Variants in LDLRAD1 observed in about 807,000 individuals in gnomAD.
LDLRAD1 encodes the protein low density lipoprotein receptor class A domain containing 1.
In LDLRAD1, 17 loss-of-function variants were observed where a neutral mutation model predicts 24.8. The observed-to-expected ratio is 0.69, with a 90% CI of 0.47 to 1.03. The LOEUF (loss-of-function observed/expected upper bound fraction) is 1.03. Among genes scored for constraint, LDLRAD1 ranks in the 50% least tolerant of loss-of-function variants. LDLRAD1 has a pLI of 0.00. For synonymous variants in LDLRAD1, 103 were observed against 108.2 expected (o/e 0.95, Z 0.30); for missense variants, 277 against 271.0 (o/e 1.02, Z -0.16).
At chr1:54,014,516 A>C (rs1656215474) in intron 2 of LDLRAD1, 152 bp from the exon 3 acceptor site, 1 of 761,728 alleles carries the variant, frequency 1.3e-6, no homozygotes, top group Non-Finnish European at 2.1e-6. Flanking sequence ...AGCAGCTCCC[A>C]AGCCCTCCTT....
At chr1:54,013,535 T>C (rs1035884718) in intron 3 of LDLRAD1, among the ~76,000 whole-genome samples, 2 of 151,120 alleles carry the variant, frequency 1.3e-5, no homozygotes, top group African/African-American at 4.9e-5. Flanking sequence ...TGGGCCCCAC[T>C]TGTCACTCCA....
chr1:54,010,529 G>C, intron 4 of LDLRAD1, 119 bp from the exon 5 acceptor site: 1 of 960,374 alleles, frequency 1.0e-6, no homozygotes, highest in Non-Finnish European at 1.6e-6. Context: ...TGCCCATCCA[G>C]CCCAGAAGGG....
At chr1:54,017,608 G>C (rs998473707) in intron 1 of LDLRAD1, among the ~76,000 whole-genome samples, 181 bp from the exon 2 acceptor site, 2 of 152,112 alleles carry the variant, frequency 1.3e-5, no homozygotes, top group Non-Finnish European at 2.9e-5. Context: ...CCACACCTTT[G>C]CCTGCACTGT....
chr1:54,015,634 TG>T (rs1656271431), intron 2 of LDLRAD1, among the ~76,000 whole-genome samples: 1 of 148,200 alleles, frequency 6.7e-6, no homozygotes, highest in Admixed American at 6.8e-5. Flanking sequence ...AGGCACGTGG[TG>T]GGGGCTTTTG....
chr1:54,011,960 C>T (rs990801231), intron 4 of LDLRAD1, among the ~76,000 whole-genome samples, 183 bp downstream of exon 4: 1 of 152,136 alleles, frequency 6.6e-6, no homozygotes, highest in African/African-American at 2.4e-5. Flanking sequence ...GAAGGCATTC[C>T]TTAGTGGGGG....
chr1:54,011,294 C>G (rs41366847), intron 4 of LDLRAD1, among the ~76,000 whole-genome samples: 78,168 of 151,778 alleles, frequency 0.52, 21,017 homozygotes, highest in African/African-American at 0.67. Context: ...GAGTTGGAAC[C>G]AATCAGGGAG....
At position 54,008,944 on chromosome 1, in the gene LDLRAD1, A is replaced by T. The variant is rs1290438453; in HGVS notation, c.*38T>A. ...TTTCATGTGAAGGGTTATCAGTGCCATTCCAGCCAGCCTTCCATGCTGGCC... is the reference window on the plus strand; with the variant it reads ...TTTCATGTGAAGGGTTATCAGTGCCTTTCCAGCCAGCCTTCCATGCTGGCC... On this transcript the variant is annotated 3_prime_UTR_variant, in exon 6 of 6. Coordinates refer to ENST00000371360, the MANE Select transcript of LDLRAD1 (RefSeq NM_001010978.4). 1 of 1,587,606 alleles carries T rather than the reference A, an allele frequency of 6.3e-7. No individual in the cohort carries two copies. Among genetic ancestry groups the T allele is most frequent in the Non-Finnish European group, 8.6e-7 (1 of 1,163,758 alleles).
chr1:54,011,920 G>C (rs776898754), intron 4 of LDLRAD1, among the ~76,000 whole-genome samples: 1 of 152,172 alleles, frequency 6.6e-6, no homozygotes, highest in African/African-American at 2.4e-5. Flanking sequence ...GGATGAATAC[G>C]GGTTCTCTGG....
rs1379457392 is a variant in LDLRAD1, at chr1:54,008,630, G to C, written c.*352C>G. ...AGTGGTGTGGTCACAGCTCACTGCA[G>C]CCTTGACCTCCTGGGTTCACACAGT... is the stretch of plus-strand genomic sequence containing the variant. On this transcript the variant is annotated 3_prime_UTR_variant, in exon 6 of 6. Transcript: ENST00000371360. The C allele has an allele frequency of 4.9e-6, 1 of 202,222 alleles. No homozygotes were observed. Among genetic ancestry groups the C allele is most frequent in the East Asian group, 1.4e-4 (1 of 7,062 alleles). The allele number at this position is 202,222 out of a possible 1,614,324, so 12.5% of individuals were successfully genotyped here.
At chr1:54,009,809 CGGG>C (rs1479183272) in intron 5 of LDLRAD1, among the ~76,000 whole-genome samples, 6 of 152,168 alleles carry the variant, frequency 3.9e-5, no homozygotes, top group Non-Finnish European at 7.3e-5. Context: ...CTACAGGACT[CGGG>C]ACTTGGATCA....
Position 54,008,981 on chromosome 1 carries a change from C to T in LDLRAD1, c.*1G>A. The T allele has an allele frequency of 6.2e-7, 1 of 1,610,890 alleles. No individual in the cohort carries two copies. The highest frequency in any genetic ancestry group is 8.5e-7 in the Non-Finnish European group (1 of 1,177,940). On this transcript the variant is annotated 3_prime_UTR_variant, in exon 6 of 6. Transcript: ENST00000371360. ...CTTCCATGCTGGCCTGAGTGGCCCACTCAGGGTCCGGGACAGGCATACTCA... is the reference window on the plus strand; with the variant it reads ...CTTCCATGCTGGCCTGAGTGGCCCATTCAGGGTCCGGGACAGGCATACTCA...
chr1:54,013,173 C>T (rs1400013981), intron 3 of LDLRAD1, among the ~76,000 whole-genome samples: 1 of 152,046 alleles, frequency 6.6e-6, no homozygotes, highest in East Asian at 1.9e-4. Flanking sequence ...TGCACACTCA[C>T]AGATACACAG....
At chr1:54,011,703 C>G (rs569364234) in intron 4 of LDLRAD1, among the ~76,000 whole-genome samples, 2 of 152,174 alleles carry the variant, frequency 1.3e-5, no homozygotes, top group Non-Finnish European at 2.9e-5. Flanking sequence ...ACTGGGGCCC[C>G]GATATCAAGC....
rs1456182734 is a variant in LDLRAD1, at chr1:54,014,265, G to A, written c.173C>T (p.Thr58Ile). Residue 58 changes from threonine to isoleucine, a missense_variant, in exon 3 of 6, where the codon ACC becomes ATC. By Grantham distance (89) the Thr-to-Ile change is moderately conservative. Transcript: ENST00000371360. ...ATVAALIALV[T>I]ILGLPSCTPG... ...GGTGCATGATGGGAGTCCAAGAATG[G>A]TGACCAAGGCGATGAGGGCCGCCAC... 8.3e-6 allele frequency: 13 copies of A among 1,557,222 alleles called. No homozygotes were observed. The highest frequency in any genetic ancestry group is 9.6e-6 in the Non-Finnish European group (11 of 1,150,308).
At chr1:54,014,927 G>A (rs974006251) in intron 2 of LDLRAD1, among the ~76,000 whole-genome samples, 9 of 151,934 alleles carry the variant, frequency 5.9e-5, no homozygotes, top group Non-Finnish European at 1.0e-4. Flanking sequence ...CAGCTCTACC[G>A]CATCCTACCT....
At chr1:54,017,334 G>T in intron 2 of LDLRAD1, 42 bp downstream of exon 2, 1 of 1,541,230 alleles carries the variant, frequency 6.5e-7, no homozygotes, top group East Asian at 2.4e-5. Flanking sequence ...AGCTTCAAGG[G>T]AGCCCCACAG....
At chr1:54,018,027 G>C in intron 1 of LDLRAD1, 65 bp downstream of exon 1, 1 of 1,418,410 alleles carries the variant, frequency 7.1e-7, no homozygotes, top group South Asian at 1.2e-5. Flanking sequence ...CTCTCACCTG[G>C]GGACAGCTCT....
At chr1:54,012,323 T>G (rs910380693) in intron 3 of LDLRAD1, 43 bp from the exon 4 acceptor site, 2 of 1,609,622 alleles carry the variant, frequency 1.2e-6, no homozygotes. Context: ...AGGGTGGTGC[T>G]CACAAGGACA....
At chr1:54,013,307 T>C (rs1656141757) in intron 3 of LDLRAD1, among the ~76,000 whole-genome samples, 1 of 152,118 alleles carries the variant, frequency 6.6e-6, no homozygotes, top group Non-Finnish European at 1.5e-5. Context: ...TGCTCATGTA[T>C]TCATCCACCT....
Sources: gnomAD v4.1 joint callset for allele counts (sites outside exome capture counted in the v4.1 genomes callset) on GRCh38, gnomAD v4.1.1 for gene constraint, MANE v1.5 for transcripts, NCBI Gene and HGNC (gene_info 2026-07-23, HGNC 2026-07-21) for gene names.